USP47: variants seen among roughly 807,000 people sequenced by gnomAD.
USP47 encodes the protein ubiquitin specific peptidase 47.
A neutral mutation model predicts 165.1 loss-of-function variants in USP47; 35 were observed. The ratio of observed to expected loss-of-function variants is 0.21; its 90% CI spans 0.16 to 0.28. The LOEUF (loss-of-function observed/expected upper bound fraction) is 0.28, where lower values mean the gene tolerates loss of function less well. Among genes scored for constraint, USP47 ranks in the 10% least tolerant of loss-of-function variants. USP47 has a pLI of 1.00. For synonymous variants in USP47, 531 were observed against 544.5 expected (o/e 0.98, Z 0.35); for missense variants, 1,277 against 1,607.4 (o/e 0.79, Z 3.52).
In USP47 at chr11:11,842,219, A is replaced by G. The variant is rs1291954369; in HGVS notation, c.34A>G (p.Lys12Glu). 1.3e-6 allele frequency: 2 copies of G among 1,553,426 alleles called. No homozygotes were observed. The highest frequency in any genetic ancestry group is 1.7e-6 in the Non-Finnish European group (2 of 1,147,586). ...VPGEENQLVPKEIENAAEEPR... is the reference protein window; with the variant it reads ...VPGEENQLVPEEIENAAEEPR... ...CGGCGAGGAGAACCAACTGGTCCCG[A>G]AAGAGGTGAGGGGCCCCAGAGGAGG... is the stretch of plus-strand genomic sequence containing the variant. Residue 12 changes from lysine to glutamate, a missense_variant, in exon 1 of 28, where the codon AAA becomes GAA. Lys to Glu is a moderately conservative substitution (Grantham distance 56). Transcript: ENST00000527733.
intron 23 of USP47, 62 bp downstream of exon 23, chr11:11,950,066 C>T (rs1017441735): frequency 1.5e-5 from 18 of 1,222,548 alleles, no homozygotes; most frequent in Non-Finnish European, 1.9e-5. Context: ...TTGAAATGGA[C>T]TGGTATGATT....
At chr11:11,848,170 C>T (rs1229941570) in intron 1 of USP47, among the ~76,000 whole-genome samples, 4 of 152,172 alleles carry the variant, frequency 2.6e-5, no homozygotes, top group Admixed American at 2.6e-4. Flanking sequence ...AGTTAAATAG[C>T]TCTGCAGAAC....
chr11:11,955,193 T>C (rs370159111), intron 27 of USP47, 29 bp downstream of exon 27: 3 of 1,600,984 alleles, frequency 1.9e-6, no homozygotes, highest in African/African-American at 1.3e-5. Context: ...TTGTTGCTGT[T>C]AGTAATACAT....
In USP47 at chr11:11,920,139, A is replaced by C. The variant is rs1853725375; in HGVS notation, c.970-17A>C. 1 of 1,547,172 alleles carries C rather than the reference A, an allele frequency of 6.5e-7. No individual in the cohort carries two copies. Among genetic ancestry groups the C allele is most frequent in the East Asian group, 2.3e-5 (1 of 43,168 alleles). ...TAATATTTTAAGTAATTATAAAACA[A>C]ATTTTTTTCTAACTAGGAAGAAGCA... On this transcript the variant is annotated splice_polypyrimidine_tract_variant and intron_variant, in intron 8 of 27. Transcript: ENST00000527733.
intron 10 of USP47, 43 bp downstream of exon 10, chr11:11,920,537 T>C: frequency 6.5e-7 from 1 of 1,545,602 alleles, no homozygotes; most frequent in Non-Finnish European, 8.7e-7. Context: ...TAATCCACAT[T>C]AGTCAGTCAT....
chr11:11,903,282 A>C lies in USP47; in HGVS notation c.759A>C (p.Val253=). ...DSSEAWQQHD[V]QELCRVMFDA... ...AAACAGCTTGGCAGCAGCATGATGT[A>C]CAAGAACTATGCAGAGTCATGTTTG... is the stretch of plus-strand genomic sequence containing the variant. Residue 253 remains valine (V), a synonymous_variant, in exon 7 of 28, where the codon GTA becomes GTC. Transcript: ENST00000527733. 6.2e-7 allele frequency: 1 copy of C among 1,611,648 alleles called. No individual in the cohort carries two copies. The highest frequency in any genetic ancestry group is 8.5e-7 in the Non-Finnish European group (1 of 1,178,718).
chr11:11,884,367 A>G, intron 2 of USP47, 100 bp from the exon 3 acceptor site: 1 of 840,572 alleles, frequency 1.2e-6, no homozygotes, highest in Non-Finnish European at 1.8e-6. Flanking sequence ...TTACCAGATC[A>G]TTACTAAAAA....
At chr11:11,868,416 T>A (rs967731666) in intron 1 of USP47, among the ~76,000 whole-genome samples, 4 of 152,226 alleles carry the variant, frequency 2.6e-5, no homozygotes, top group Non-Finnish European at 5.9e-5. Context: ...GTTGGTTTTT[T>A]AAAATTTAGT....
intron 8 of USP47, among the ~76,000 whole-genome samples, chr11:11,906,874 A>G (rs982400552): frequency 6.6e-6 from 1 of 152,190 alleles, no homozygotes; most frequent in South Asian, 2.1e-4. Context: ...TAATTTTTAA[A>G]TACTCGCATT....
At chr11:11,925,002 G>C (rs866939341) in intron 11 of USP47, among the ~76,000 whole-genome samples, 1 of 151,050 alleles carries the variant, frequency 6.6e-6, no homozygotes, top group African/African-American at 2.4e-5. Flanking sequence ...ACTTTGTATA[G>C]TGTGGACATT....
chr11:11,865,228 C>T (rs1849605079), intron 1 of USP47, among the ~76,000 whole-genome samples: 1 of 152,086 alleles, frequency 6.6e-6, no homozygotes, highest in South Asian at 2.1e-4. Context: ...GCAGTTATTT[C>T]TTTGAGTACT....
chr11:11,926,601 A>T (rs539540112), intron 11 of USP47, among the ~76,000 whole-genome samples: 1 of 151,698 alleles, frequency 6.6e-6, no homozygotes, highest in South Asian at 2.1e-4. Flanking sequence ...AACTTTGTTG[A>T]TCTTTTCAAA....
At chr11:11,946,305 C>T (rs541737361) in intron 20 of USP47, among the ~76,000 whole-genome samples, 159 of 152,294 alleles carry the variant, frequency 1.0e-3, no homozygotes, top group Non-Finnish European at 2.0e-3. Flanking sequence ...GGAATTCATT[C>T]AGGCCAGGCC....
intron 11 of USP47, 98 bp from the exon 12 acceptor site, chr11:11,929,336 C>T: frequency 6.7e-7 from 1 of 1,485,548 alleles, no homozygotes; most frequent in Non-Finnish European, 9.0e-7. Flanking sequence ...GGACAACTTA[C>T]CATGTTACTT....
rs781159423 is a variant in USP47 at position 11,897,610 on chromosome 11, A to G, written c.510A>G (p.Leu170=). 1.9e-6 allele frequency: 3 copies of G among 1,609,552 alleles called. No homozygotes were observed. Among genetic ancestry groups the G allele is most frequent in the Non-Finnish European group, 2.5e-6 (3 of 1,177,698 alleles). Residue 170 remains leucine, a synonymous_variant, in exon 5 of 28, where the codon CTA becomes CTG. Transcript: ENST00000527733. Reference sequence around the variant, plus strand: ...TTCTCTTTAAAGGATATGTGGGACTAGTAAACCAAGCAATGACTTGCTATT... The same window carrying G: ...TTCTCTTTAAAGGATATGTGGGACTGGTAAACCAAGCAATGACTTGCTATT... ...LNKSETGYVG[L]VNQAMTCYLN...
At chr11:11,848,908 C>T (rs538473253) in intron 1 of USP47, among the ~76,000 whole-genome samples, 3 of 151,876 alleles carry the variant, frequency 2.0e-5, no homozygotes, top group South Asian at 2.1e-4. Flanking sequence ...CATGCCCAGC[C>T]GAAACTAGCG....
rs61871869 is a variant in USP47 at position 11,940,742 on chromosome 11, A to G, written c.2313+194A>G. Among the ~76,000 whole-genome samples, 1,300 of 151,024 alleles carry G rather than the reference A, an allele frequency of 8.6e-3. 7 individuals are homozygous for G. Among genetic ancestry groups the G allele is most frequent in the Middle Eastern group, 0.024 (7 of 288 alleles). On this transcript the variant is annotated intron_variant, in intron 19 of 27. Transcript: ENST00000527733. ...CCCTTCTGTCCTGTGAATCAGTCCT[A>G]CTGGTTCTCCTCTTCTTTGCCTTTG...
At chr11:11,878,974 G>A (rs1194454384) in intron 1 of USP47, among the ~76,000 whole-genome samples, 2 of 152,094 alleles carry the variant, frequency 1.3e-5, no homozygotes, top group Non-Finnish European at 2.9e-5. Context: ...ATAAATTTTT[G>A]TGTACACCAC....
chr11:11,919,148 A>G (rs1406039302), intron 8 of USP47, among the ~76,000 whole-genome samples: 1 of 151,886 alleles, frequency 6.6e-6, no homozygotes, highest in Non-Finnish European at 1.5e-5. Flanking sequence ...TCTTGTTCCA[A>G]AGTGAGCTCT....
Sources: gnomAD v4.1 joint callset for allele counts (sites outside exome capture counted in the v4.1 genomes callset) on GRCh38, gnomAD v4.1.1 for gene constraint, MANE v1.5 for transcripts, NCBI Gene and HGNC (gene_info 2026-07-23, HGNC 2026-07-21) for gene names.